PAN3: variants seen among roughly 807,000 people sequenced by gnomAD.
PAN3 encodes the protein PAN2-PAN3 deadenylation complex subunit PAN3.
Under a neutral mutation model 96.2 loss-of-function variants are expected in PAN3, and 19 were observed. The observed-to-expected ratio is 0.20, with a 90% CI of 0.14 to 0.29. PAN3 has a LOEUF of 0.29. Among genes scored for constraint, PAN3 ranks in the 10% least tolerant of loss-of-function variants. The pLI, the probability that PAN3 is intolerant of heterozygous loss-of-function variation, is 1.00. For missense variants in PAN3, 882 were observed against 1,108.1 expected, an observed-to-expected ratio of 0.80 and a Z score of 2.90; for synonymous variants, 433 against 406.6, an observed-to-expected ratio of 1.06 and a Z score of -0.78.
At chr13:28,205,098 A>T (rs1294800847) in intron 5 of PAN3, among the ~76,000 whole-genome samples, 1 of 150,826 alleles carries the variant, frequency 6.6e-6, no homozygotes, top group African/African-American at 2.4e-5. Context: ...TTCCTTTAAG[A>T]TCTCGGGGGC....
At chr13:28,246,775 G>A (rs765749913) in intron 6 of PAN3, among the ~76,000 whole-genome samples, 3 of 151,996 alleles carry the variant, frequency 2.0e-5, no homozygotes, top group Non-Finnish European at 4.4e-5. Context: ...TTTTATGACT[G>A]AAGAATATTC....
intron 9 of PAN3, among the ~76,000 whole-genome samples, chr13:28,262,914 T>C: frequency 6.6e-6 from 1 of 152,186 alleles, no homozygotes; most frequent in East Asian, 1.9e-4. Context: ...TATTAAATAA[T>C]ATAAATGAAA....
intron 1 of PAN3, among the ~76,000 whole-genome samples, chr13:28,163,852 TTCAG>T (rs1478665577): frequency 2.0e-5 from 3 of 152,224 alleles, no homozygotes; most frequent in Non-Finnish European, 4.4e-5. Context: ...GTGTAAGGTA[TTCAG>T]TTTTTTCCCT....
intron 1 of PAN3, among the ~76,000 whole-genome samples, chr13:28,162,127 C>T (rs1439994318): frequency 6.6e-6 from 1 of 152,134 alleles, no homozygotes; most frequent in East Asian, 1.9e-4. Context: ...ACACAACAAC[C>T]TTGGAAAGTA....
At chr13:28,204,772 A>T (rs1050088111) in intron 5 of PAN3, among the ~76,000 whole-genome samples, 4 of 152,232 alleles carry the variant, frequency 2.6e-5, no homozygotes, top group African/African-American at 9.6e-5. Flanking sequence ...TTTACCTAAA[A>T]GTAGTGATAC....
chr13:28,154,981 C>T (rs368976949), intron 1 of PAN3, among the ~76,000 whole-genome samples: 11 of 151,552 alleles, frequency 7.3e-5, no homozygotes, highest in Middle Eastern at 3.4e-3. Flanking sequence ...CCACCATGCC[C>T]GGCTAATTTT....
chr13:28,157,020 G>T (rs1363314911), intron 1 of PAN3, among the ~76,000 whole-genome samples: 1 of 92,442 alleles, frequency 1.1e-5, no homozygotes. Flanking sequence ...AAAAAAAAAA[G>T]CTAAATCACC....
At position 28,238,338 on chromosome 13, in the gene PAN3, C is replaced by A. The variant is rs187023562; in HGVS notation, c.1001-17954C>A. Among the ~76,000 whole-genome samples, 3 of 152,170 alleles carry A rather than the reference C, an allele frequency of 2.0e-5. No individual in the cohort carries two copies. In the East Asian group the frequency reaches 5.8e-4, roughly 29 times the overall value. On this transcript the variant is annotated intron_variant, in intron 6 of 18. Coordinates refer to ENST00000380958, the MANE Select transcript of PAN3 (RefSeq NM_175854.8). ...GTGTTTAGCTCATTGGTGCTTAATCCCCCTGAAACCCCTTTTGAAAGGTTG... is the reference window on the plus strand; with the variant it reads ...GTGTTTAGCTCATTGGTGCTTAATCACCCTGAAACCCCTTTTGAAAGGTTG...
At chr13:28,167,796 A>G (rs1873786214) in intron 1 of PAN3, among the ~76,000 whole-genome samples, 2 of 152,176 alleles carry the variant, frequency 1.3e-5, no homozygotes, top group South Asian at 2.1e-4. Context: ...GTGAGCTTAG[A>G]TTGCGCCACC....
intron 5 of PAN3, among the ~76,000 whole-genome samples, chr13:28,200,732 C>G (rs560122981): frequency 1.1e-4 from 17 of 152,234 alleles, no homozygotes; most frequent in African/African-American, 4.1e-4. Context: ...ATCTTTTGTA[C>G]GTTTGTAGAG....
At chr13:28,232,878 T>A (rs779859558) in intron 6 of PAN3, among the ~76,000 whole-genome samples, 1 of 152,136 alleles carries the variant, frequency 6.6e-6, no homozygotes, top group Non-Finnish European at 1.5e-5. Context: ...ATAACTGTGA[T>A]CTATGGGGAA....
chr13:28,216,368 C>CT (rs1229834525), intron 5 of PAN3, among the ~76,000 whole-genome samples: 2 of 151,952 alleles, frequency 1.3e-5, no homozygotes, highest in Non-Finnish European at 2.9e-5. Flanking sequence ...TATAAGAGGC[C>CT]TGTGCAGACT....
At position 28,281,344 on chromosome 13, in the gene PAN3, C is replaced by T; in HGVS notation, c.2349C>T (p.Leu783=). ...TTCAAAATGGAAGACTGTTTAGGCTCCTAGCAAAATTGGGAACAATCAATG... is the reference window on the plus strand; with the variant it reads ...TTCAAAATGGAAGACTGTTTAGGCTTCTAGCAAAATTGGGAACAATCAATG... ...KEVQNGRLFR[L]LAKLGTINER... Residue 783 remains leucine (L), a synonymous_variant, in exon 17 of 19, where the codon CTC becomes CTT. Coordinates refer to ENST00000380958, the MANE Select transcript of PAN3 (RefSeq NM_175854.8). 6 of 1,611,666 alleles carry T rather than the reference C, an allele frequency of 3.7e-6. No individual in the cohort carries two copies. Among genetic ancestry groups the T allele is most frequent in the South Asian group, 1.1e-5 (1 of 91,028 alleles).
Position 28,287,129 on chromosome 13 carries a change from T to TA in PAN3, c.2385-854dup, listed in dbSNP as rs567674079. 1.5e-3 allele frequency among the ~76,000 whole-genome samples: 230 copies of TA among 152,282 alleles called. 2 individuals are homozygous for TA. The highest frequency in any genetic ancestry group is 5.4e-3 in the African/African-American group (223 of 41,558). On this transcript the variant is annotated intron_variant, in intron 17 of 18. Coordinates refer to ENST00000380958, the MANE Select transcript of PAN3 (RefSeq NM_175854.8). ...TAAGTTTCTTCAATGTCCATGCAAA[T>TA]ACCGATCTCTGACGAAGGAGCATCC...
At chr13:28,147,099 A>G (rs1460479740) in intron 1 of PAN3, among the ~76,000 whole-genome samples, 1 of 152,256 alleles carries the variant, frequency 6.6e-6, no homozygotes, top group Non-Finnish European at 1.5e-5. Flanking sequence ...TTACCAACAA[A>G]TCAATATATG....
At chr13:28,289,546 T>C (rs568197838) in intron 18 of PAN3, among the ~76,000 whole-genome samples, 14 of 152,248 alleles carry the variant, frequency 9.2e-5, no homozygotes, top group South Asian at 2.1e-4. Context: ...GTTGGGATAA[T>C]AGCCGTGAGC....
At chr13:28,139,227 G>A (rs1435746265) in intron 1 of PAN3, 140 bp downstream of exon 1, 2 of 995,184 alleles carry the variant, frequency 2.0e-6, no homozygotes, top group South Asian at 5.1e-5. Context: ...GGCCTAGGCC[G>A]GGCCTGAGCC....
At position 28,294,450 on chromosome 13, in the gene PAN3, C is replaced by T. The variant is rs1211614110; in HGVS notation, c.*1928C>T. 1 of 152,580 alleles carries T rather than the reference C, an allele frequency of 6.6e-6. No homozygotes were observed. Among genetic ancestry groups the T allele is most frequent in the Non-Finnish European group, 1.5e-5 (1 of 68,038 alleles). 9.5% of individuals were successfully genotyped at this position (152,580 alleles called of 1,614,324 possible). On this transcript the variant is annotated 3_prime_UTR_variant, in exon 19 of 19. Coordinates refer to ENST00000380958, the MANE Select transcript of PAN3 (RefSeq NM_175854.8). ...TGTATTCTAGAAGAAATATGAAATG[C>T]TTAATTTATAAGCGGGCTGGAGATT...
chr13:28,219,661 C>T (rs1433407442), intron 5 of PAN3, among the ~76,000 whole-genome samples: 3 of 152,328 alleles, frequency 2.0e-5, no homozygotes, highest in Admixed American at 1.3e-4. Context: ...TAACAAGTCA[C>T]GCATGGTACT....
Sources: allele counts gnomAD v4.1 joint callset (sites outside exome capture counted in the v4.1 genomes callset), GRCh38; gene constraint gnomAD v4.1.1; transcripts MANE v1.5; gene names NCBI Gene and HGNC (gene_info 2026-07-23, HGNC 2026-07-21).